Variants in VSTM2B observed in about 807,000 individuals in gnomAD.
The protein encoded by VSTM2B is V-set and transmembrane domain containing 2B.
In VSTM2B, 24 loss-of-function variants were observed where a neutral mutation model predicts 24.0. The observed-to-expected ratio is 1.00, with a 90% CI of 0.72 to 1.40. The LOEUF is 1.40. Ranked by LOEUF, VSTM2B falls within the 40% of genes most tolerant of loss-of-function variation. The probability of loss-of-function intolerance (pLI) is 0.00; values close to 1 mark genes in which losing one functional copy is unlikely to be tolerated. For synonymous variants in VSTM2B, 226 were observed against 194.4 expected (o/e 1.16, Z -1.35); for missense variants, 399 against 416.4 (o/e 0.96, Z 0.36).
At chr19:29,549,905 G>A (rs957808925) in intron 4 of VSTM2B, among the ~76,000 whole-genome samples, 1 of 152,210 alleles carries the variant, frequency 6.6e-6, no homozygotes, top group Non-Finnish European at 1.5e-5. Context: ...ATTGGGAAGA[G>A]CAGGTCTGCT....
chr19:29,550,597 G>A lies in VSTM2B; in HGVS notation c.770-13249G>A, dbSNP rs190052130. On this transcript the variant is annotated intron_variant, in intron 4 of 4. Transcript: ENST00000335523. Reference sequence around the variant, plus strand: ...TGTTGGAATGGCTTTGTCTGAAGACGACAATGTCTTCCCTTGAACTAGCTC... The same window carrying A: ...TGTTGGAATGGCTTTGTCTGAAGACAACAATGTCTTCCCTTGAACTAGCTC... Among the ~76,000 whole-genome samples the A allele has an allele frequency of 2.7e-3, 408 of 152,246 alleles. 16 individuals carry two copies. The highest frequency in any genetic ancestry group is 0.022 in the Admixed American group (338 of 15,286).
intron 4 of VSTM2B, among the ~76,000 whole-genome samples, chr19:29,545,474 G>A (rs746167244): frequency 2.6e-5 from 4 of 152,104 alleles, no homozygotes; most frequent in South Asian, 2.1e-4. Flanking sequence ...TTAGCTGGGC[G>A]TGCTGGCACA....
Position 29,564,235 on chromosome 19 carries a change from C to T in VSTM2B, c.*301C>T. On this transcript the variant is annotated 3_prime_UTR_variant, in exon 5 of 5. Coordinates refer to ENST00000335523, the MANE Select transcript of VSTM2B (RefSeq NM_001146339.2). ...CCTCCAAGTCTTCATTTTGCACGAA[C>T]TGTTGAGCAGTTATCTTTAGGATAA... is the stretch of plus-strand genomic sequence containing the variant. The T allele has an allele frequency of 3.5e-6, 1 of 285,782 alleles. No individual in the cohort carries two copies. The highest frequency in any genetic ancestry group is 6.7e-6 in the Non-Finnish European group (1 of 149,638). The allele number at this position is 285,782 out of a possible 1,614,324, so 17.7% of individuals were successfully genotyped here.
chr19:29,559,344 A>G (rs1031124681), intron 4 of VSTM2B, among the ~76,000 whole-genome samples: 1 of 152,242 alleles, frequency 6.6e-6, no homozygotes, highest in African/African-American at 2.4e-5. Context: ...CACCATTCTC[A>G]GCAAACTAAC....
chr19:29,552,120 G>C (rs1277087257), intron 4 of VSTM2B, among the ~76,000 whole-genome samples: 1 of 152,182 alleles, frequency 6.6e-6, no homozygotes, highest in Non-Finnish European at 1.5e-5. Flanking sequence ...GGCAATGCCT[G>C]GGGAGCAGGT....
chr19:29,553,971 G>A (rs1413673585), intron 4 of VSTM2B, among the ~76,000 whole-genome samples: 1 of 152,184 alleles, frequency 6.6e-6, no homozygotes, highest in Non-Finnish European at 1.5e-5. Flanking sequence ...AAGAGGTGGG[G>A]AGAACAGAAC....
chr19:29,532,214 G>A (rs1043493190), intron 4 of VSTM2B, among the ~76,000 whole-genome samples: 1 of 152,314 alleles, frequency 6.6e-6, no homozygotes, highest in Non-Finnish European at 1.5e-5. Flanking sequence ...TTAAGGGCTA[G>A]GTCTAGAAGT....
Position 29,548,138 on chromosome 19 carries a change from G to A in VSTM2B, c.770-15708G>A, listed in dbSNP as rs536983611. The stretch of plus-strand genomic sequence containing the variant: ...ACAGCAGGGAATGGCTAAAACAGGC[G>A]GGGAACAGGCAGTCCAGCCACATTT... On this transcript the variant is annotated intron_variant, in intron 4 of 4. Transcript: ENST00000335523. 4.6e-5 allele frequency among the ~76,000 whole-genome samples: 7 copies of A among 152,162 alleles called. No individual in the cohort carries two copies. In the East Asian group the frequency reaches 7.7e-4, roughly 17 times the overall value.
intron 4 of VSTM2B, among the ~76,000 whole-genome samples, chr19:29,549,412 G>C (rs1970220311): frequency 7.2e-6 from 1 of 139,212 alleles, no homozygotes; most frequent in South Asian, 2.4e-4. Flanking sequence ...TGCCCCAGGA[G>C]AGCCTGATAC....
At chr19:29,552,993 T>C (rs563695490) in intron 4 of VSTM2B, among the ~76,000 whole-genome samples, 2 of 152,062 alleles carry the variant, frequency 1.3e-5, no homozygotes, top group South Asian at 4.2e-4. Flanking sequence ...AGGGGAGGGG[T>C]GTCTGCGGTC....
At chr19:29,538,529 C>T (rs17595345) in intron 4 of VSTM2B, among the ~76,000 whole-genome samples, 8,856 of 152,266 alleles carry the variant, frequency 0.058, 314 homozygotes, top group Middle Eastern at 0.11. Flanking sequence ...CATGATGGAG[C>T]TAATTGTGAT....
intron 4 of VSTM2B, among the ~76,000 whole-genome samples, chr19:29,544,130 T>C (rs1970088402): frequency 6.6e-6 from 1 of 151,254 alleles, no homozygotes; most frequent in South Asian, 2.1e-4. Context: ...TATATATATA[T>C]GCACATTATA....
At position 29,534,726 on chromosome 19, in the gene VSTM2B, AAAAG is replaced by A. The variant is rs1555748904; in HGVS notation, c.769+4452_769+4455del. On this transcript the variant is annotated intron_variant, in intron 4 of 4. Transcript: ENST00000335523. ...ACTGAAACTCTGTCTCAAAAAAAAA[AAAAG>A]AAAGAAAGAAAGAAAAGAAAAGAAA... Among the ~76,000 whole-genome samples the A allele has an allele frequency of 7.9e-3, 1,179 of 148,694 alleles. 16 individuals are homozygous for A. Among genetic ancestry groups the A allele is most frequent in the African/African-American group, 0.028 (1,120 of 40,124 alleles).
At chr19:29,553,424 A>G (rs370106338) in intron 4 of VSTM2B, among the ~76,000 whole-genome samples, 6 of 152,224 alleles carry the variant, frequency 3.9e-5, no homozygotes, top group African/African-American at 7.2e-5. Flanking sequence ...CATCAACCAA[A>G]AAAGTCCCTG....
intron 4 of VSTM2B, among the ~76,000 whole-genome samples, chr19:29,535,801 C>T (rs1273448248): frequency 6.6e-6 from 1 of 152,168 alleles, no homozygotes; most frequent in Non-Finnish European, 1.5e-5. Context: ...AGGCCCAGGA[C>T]CTGTGGGCCC....
At chr19:29,540,987 G>C (rs1213562314) in intron 4 of VSTM2B, among the ~76,000 whole-genome samples, 2 of 152,216 alleles carry the variant, frequency 1.3e-5, no homozygotes, top group African/African-American at 4.8e-5. Context: ...TTTCCAGGAA[G>C]AGGGACTCAC....
intron 4 of VSTM2B, among the ~76,000 whole-genome samples, chr19:29,537,680 T>C (rs1026628396): frequency 3.2e-5 from 4 of 126,700 alleles, no homozygotes; most frequent in African/African-American, 1.4e-4. Context: ...TTCGGAAGCT[T>C]TTCCCCACAA....
intron 4 of VSTM2B, 105 bp downstream of exon 4, chr19:29,530,395 C>T (rs1284971202): frequency 2.1e-5 from 22 of 1,043,866 alleles, no homozygotes; most frequent in South Asian, 9.5e-5. Context: ...CCCCTGGGCG[C>T]ATTTGCATAT....
Position 29,527,328 on chromosome 19 carries a change from A to C in VSTM2B, c.200A>C (p.Tyr67Ser). 6.5e-6 allele frequency: 10 copies of C among 1,549,576 alleles called. No individual in the cohort carries two copies. Among genetic ancestry groups the C allele is most frequent in the Non-Finnish European group, 8.7e-6 (10 of 1,146,660 alleles). Reference protein sequence around the residue: ...TSYSLEIQWWYLKEPPRELLH... With the variant: ...TSYSLEIQWWSLKEPPRELLH... Reference sequence around the variant, plus strand: ...TATTCGCTGGAGATTCAGTGGTGGTACCTCAAGGAGCCACCCCGGGAGCTG... The same window carrying C: ...TATTCGCTGGAGATTCAGTGGTGGTCCCTCAAGGAGCCACCCCGGGAGCTG... The change falls in exon 2 of 5, where the codon TAC (tyrosine) becomes TCC (serine). Residue 67 changes from tyrosine to serine, a missense_variant. Physicochemically the swap from Tyr to Ser is moderately radical, Grantham distance 144. Transcript: ENST00000335523.
Sources: gnomAD v4.1 joint callset for allele counts (sites outside exome capture counted in the v4.1 genomes callset) on GRCh38, gnomAD v4.1.1 for gene constraint, MANE v1.5 for transcripts, NCBI Gene and HGNC (gene_info 2026-07-23, HGNC 2026-07-21) for gene names.